RPTOR: variants seen among roughly 807,000 people sequenced by gnomAD.
RPTOR encodes regulatory associated protein of MTOR complex 1.
A neutral mutation model predicts 169.9 loss-of-function variants in RPTOR; 21 were observed. The observed-to-expected ratio is 0.12, with a 90% confidence interval of 0.09 to 0.18. RPTOR has a LOEUF of 0.18. Ranked by LOEUF, RPTOR falls within the 10% of genes least tolerant of loss-of-function variation. RPTOR has a pLI of 1.00. For synonymous variants in RPTOR, 732 were observed against 753.2 expected, an observed-to-expected ratio of 0.97 and a Z score of 0.46; for missense variants, 1,133 against 1,855.9, an observed-to-expected ratio of 0.61 and a Z score of 7.16.
chr17:80,932,598 A>G (rs542126793), intron 24 of RPTOR, among the ~76,000 whole-genome samples: 1 of 152,220 alleles, frequency 6.6e-6, no homozygotes, highest in Non-Finnish European at 1.5e-5. Context: ...CCAGAGGCCT[A>G]TCTGTGACCT....
intron 2 of RPTOR, among the ~76,000 whole-genome samples, chr17:80,639,779 A>G (rs1019733401): frequency 7.2e-5 from 11 of 152,202 alleles, no homozygotes; most frequent in Admixed American, 1.3e-4. Context: ...TTGGGTGAAC[A>G]TGTTAGCAGT....
chr17:80,840,905 G>A (rs1423797175), intron 10 of RPTOR, among the ~76,000 whole-genome samples: 5 of 112,662 alleles, frequency 4.4e-5, no homozygotes, highest in Admixed American at 8.8e-5. Context: ...CTCACCACAC[G>A]GCAGCTCACT....
At chr17:80,796,190 A>G (rs1402940496) in intron 7 of RPTOR, among the ~76,000 whole-genome samples, 1 of 152,234 alleles carries the variant, frequency 6.6e-6, no homozygotes, top group Non-Finnish European at 1.5e-5. Context: ...GACAGAACTC[A>G]TAGGATAGCT....
Position 80,657,333 on chromosome 17 carries a change from C to T in RPTOR, c.348+13523C>T, listed in dbSNP as rs556596236. Among the ~76,000 whole-genome samples the T allele has an allele frequency of 4.6e-5, 7 of 152,268 alleles. No individual in the cohort carries two copies. The South Asian group carries it at 1.5e-3, about 32-fold the overall frequency. ...TGGAGAGTGTAGTTAGGGTGACAGC[C>T]AGCACCTCTCCCTGCTGAGTGGAGA... On this transcript the variant is annotated intron_variant, in intron 3 of 33. Coordinates refer to ENST00000306801, the MANE Select transcript of RPTOR (RefSeq NM_020761.3).
chr17:80,616,720 A>G (rs2065313953), intron 1 of RPTOR, among the ~76,000 whole-genome samples: 1 of 152,160 alleles, frequency 6.6e-6, no homozygotes, highest in African/African-American at 2.4e-5. Context: ...GCCCTATTGA[A>G]GCAATAGGCT....
chr17:80,823,681 C>T lies in RPTOR; in HGVS notation c.1136+458C>T, dbSNP rs915247191. 9 of 152,932 alleles carry T rather than the reference C, an allele frequency of 5.9e-5. No homozygotes were observed. Among genetic ancestry groups the T allele is most frequent in the East Asian group, 3.6e-4 (2 of 5,488 alleles). 9.5% of individuals were successfully genotyped at this position (152,932 alleles called of 1,614,324 possible). The stretch of plus-strand genomic sequence containing the variant: ...CACACACACACACACACACACACAA[C>T]GCTCATAAGTGTAATCCTTTATGAC... On this transcript the variant is annotated intron_variant, in intron 9 of 33. Coordinates refer to ENST00000306801, the MANE Select transcript of RPTOR (RefSeq NM_020761.3). The surrounding 1 kb of genome is among the most constrained non-coding windows in gnomAD (Gnocchi z 4.5).
rs2143744477 is a variant in RPTOR, at chr17:80,855,469, G to A, written c.1320G>A (p.Leu440=). 1 of 1,613,360 alleles carries A rather than the reference G, an allele frequency of 6.2e-7. No homozygotes were observed. Among genetic ancestry groups the A allele is most frequent in the Non-Finnish European group, 8.5e-7 (1 of 1,179,302 alleles). ...PEQLPIVLQV[L]LSQVHRLRAL... ...TTTTCTTCTTGTTCTTCCAGGTGCT[G>A]TTAAGCCAAGTGCACCGGCTGAGAG... The change falls in exon 12 of 34, where the codon CTG becomes CTA. Residue 440 remains leucine (L), a synonymous_variant. Coordinates refer to ENST00000306801, the MANE Select transcript of RPTOR (RefSeq NM_020761.3).
At chr17:80,869,536 G>T (rs1160578308) in intron 13 of RPTOR, among the ~76,000 whole-genome samples, 1 of 152,192 alleles carries the variant, frequency 6.6e-6, no homozygotes, top group African/African-American at 2.4e-5. Context: ...TATCAGCTAA[G>T]TGCAGTTCCT....
chr17:80,944,188 T>G (rs1422587038), intron 25 of RPTOR, among the ~76,000 whole-genome samples: 1 of 152,234 alleles, frequency 6.6e-6, no homozygotes, highest in Non-Finnish European at 1.5e-5. Context: ...TCCCCTCTTC[T>G]GTTAAATCTG....
At chr17:80,758,560 G>A (rs370771599) in intron 6 of RPTOR, among the ~76,000 whole-genome samples, 26 of 152,142 alleles carry the variant, frequency 1.7e-4, no homozygotes, top group Non-Finnish European at 1.6e-4. Context: ...ATATCAGTGC[G>A]GTCTTGAGCT....
At chr17:80,932,583 G>A (rs926745462) in intron 24 of RPTOR, among the ~76,000 whole-genome samples, 1 of 152,038 alleles carries the variant, frequency 6.6e-6, no homozygotes, top group Non-Finnish European at 1.5e-5. Context: ...TCAAGTGAAT[G>A]CCCCCCAGAG....
chr17:80,705,285 C>T (rs997482516), intron 3 of RPTOR, among the ~76,000 whole-genome samples: 1 of 152,238 alleles, frequency 6.6e-6, no homozygotes, highest in Non-Finnish European at 1.5e-5. Context: ...TGGTTCTGAG[C>T]GAGGAGACAC....
chr17:80,906,244 G>A (rs991434414), intron 20 of RPTOR, among the ~76,000 whole-genome samples: 26 of 152,070 alleles, frequency 1.7e-4, no homozygotes, highest in Non-Finnish European at 2.6e-4. Flanking sequence ...AGCCATCGCC[G>A]ATGTCCTTGT....
intron 28 of RPTOR, among the ~76,000 whole-genome samples, chr17:80,952,439 G>T (rs755360671): frequency 2.6e-5 from 4 of 152,100 alleles, no homozygotes; most frequent in African/African-American, 9.7e-5. Context: ...CAGGCCCTCC[G>T]CCAGCTTCTG....
intron 7 of RPTOR, among the ~76,000 whole-genome samples, chr17:80,792,778 G>T (rs1267210022): frequency 6.6e-6 from 1 of 152,072 alleles, no homozygotes; most frequent in Non-Finnish European, 1.5e-5. Flanking sequence ...AGCTGTTCTT[G>T]AGATCTGTTT....
intron 1 of RPTOR, among the ~76,000 whole-genome samples, chr17:80,549,565 G>A (rs2084320403): frequency 6.6e-6 from 1 of 151,832 alleles, no homozygotes; most frequent in Admixed American, 6.6e-5. Context: ...CACCTGCCTC[G>A]GCCTCCCAAA....
At chr17:80,794,974 C>T (rs927589117) in intron 7 of RPTOR, among the ~76,000 whole-genome samples, 5 of 152,170 alleles carry the variant, frequency 3.3e-5, no homozygotes, top group African/African-American at 1.2e-4. Flanking sequence ...GGTGTGGTTC[C>T]ACAGATCCAC....
At chr17:80,949,381 A>T (rs1365658869) in intron 27 of RPTOR, 62 bp from the exon 28 acceptor site, 4 of 1,394,528 alleles carry the variant, frequency 2.9e-6, no homozygotes, top group Non-Finnish European at 4.1e-6. Context: ...ACCACCACGC[A>T]CAGAGCACAG....
At chr17:80,934,679 C>T (rs1321257793) in intron 24 of RPTOR, among the ~76,000 whole-genome samples, 1 of 152,256 alleles carries the variant, frequency 6.6e-6, no homozygotes, top group East Asian at 1.9e-4. Context: ...TAACTAAAAA[C>T]TCAACACAGA....
Sources: allele counts gnomAD v4.1 joint callset (sites outside exome capture counted in the v4.1 genomes callset), GRCh38; gene constraint gnomAD v4.1.1; non-coding constraint Gnocchi (gnomAD v3.1); transcripts MANE v1.5; gene names NCBI Gene and HGNC (gene_info 2026-07-23, HGNC 2026-07-21).